Variants in DLGAP1 observed in about 807,000 individuals in gnomAD.
DLGAP1 encodes the protein disks large-associated protein 1.
DLGAP1 carries 11 observed loss-of-function variants against 90.8 expected under a neutral mutation model. The ratio of observed to expected loss-of-function variants is 0.12; its 90% CI spans 0.08 to 0.20. DLGAP1 has a LOEUF of 0.20. Ranked by LOEUF, DLGAP1 falls within the 10% of genes least tolerant of loss-of-function variation. DLGAP1 has a pLI of 1.00. For missense variants in DLGAP1, 1,050 were observed against 1,333.8 expected (o/e 0.79, Z 3.31); for synonymous variants, 558 against 540.7 (o/e 1.03, Z -0.44).
intron 5 of DLGAP1, chr18:3,770,160 T>C (rs1216092732): frequency 6.6e-6 from 1 of 152,156 alleles, no homozygotes; most frequent in Non-Finnish European, 1.5e-5. Context: ...AAGAGCACAC[T>C]TGAAGAATGT....
At chr18:4,215,311 A>G (rs2077929483) in intron 1 of DLGAP1, among the ~76,000 whole-genome samples, 1 of 152,172 alleles carries the variant, frequency 6.6e-6, no homozygotes, top group Non-Finnish European at 1.5e-5. Context: ...ACAAAATGCT[A>G]TTTTATGCAG....
chr18:3,967,916 G>A (rs745975641), intron 3 of DLGAP1, among the ~76,000 whole-genome samples: 8 of 151,934 alleles, frequency 5.3e-5, no homozygotes, highest in Admixed American at 3.9e-4. Context: ...ACCTAACACC[G>A]AGAGGCAAGC....
chr18:3,954,690 G>T (rs1277343938), intron 3 of DLGAP1, among the ~76,000 whole-genome samples: 3 of 152,256 alleles, frequency 2.0e-5, no homozygotes, highest in Non-Finnish European at 4.4e-5. Flanking sequence ...TTTTCAAAGG[G>T]TCTATAAATC....
intron 10 of DLGAP1, among the ~76,000 whole-genome samples, chr18:3,533,023 G>A (rs528507522): frequency 3.3e-5 from 5 of 152,300 alleles, no homozygotes; most frequent in Non-Finnish European, 5.9e-5. Context: ...TAGGCACGGT[G>A]GCTCATGCCT....
At chr18:4,327,287 C>G (rs1465580220) in intron 1 of DLGAP1, among the ~76,000 whole-genome samples, 1 of 151,848 alleles carries the variant, frequency 6.6e-6, no homozygotes, top group Non-Finnish European at 1.5e-5. Context: ...AATCATTACA[C>G]AAGGTACACA....
Position 3,498,433 on chromosome 18 carries a change from A to C in DLGAP1, c.*752T>G, listed in dbSNP as rs2049765642. 6.6e-6 allele frequency: 1 copy of C among 152,192 alleles called. No homozygotes were observed. The highest frequency in any genetic ancestry group is 2.4e-5 in the African/African-American group (1 of 41,434). The allele number at this position is 152,192 out of a possible 1,614,324, so 9.4% of individuals were successfully genotyped here. ...TGTTATTGCCTTTCAGAATAGATTA[A>C]TTTCCCTGAAAGATCGAATTTACAA... On this transcript the variant is annotated 3_prime_UTR_variant, in exon 13 of 13. Transcript: ENST00000315677.
intron 1 of DLGAP1, among the ~76,000 whole-genome samples, chr18:4,160,788 T>G (rs1237065766): frequency 6.6e-6 from 1 of 152,184 alleles, no homozygotes; most frequent in Non-Finnish European, 1.5e-5. Context: ...TTTAATTCCT[T>G]AATATAAGCC....
chr18:3,692,558 C>T (rs935993540), intron 7 of DLGAP1, among the ~76,000 whole-genome samples: 17 of 152,192 alleles, frequency 1.1e-4, no homozygotes, highest in Non-Finnish European at 2.4e-4. Flanking sequence ...CATTTATTTA[C>T]ACTGGCAGTG....
intron 1 of DLGAP1, among the ~76,000 whole-genome samples, chr18:4,446,854 G>A (rs536515660): frequency 6.6e-6 from 1 of 152,194 alleles, no homozygotes; most frequent in South Asian, 2.1e-4. Flanking sequence ...TTAACAAAAA[G>A]AAGTAGGAGA....
At chr18:4,153,132 A>G (rs2076701390) in intron 1 of DLGAP1, among the ~76,000 whole-genome samples, 1 of 152,362 alleles carries the variant, frequency 6.6e-6, no homozygotes, top group East Asian at 1.9e-4. Context: ...TGTTAGGTAA[A>G]CAAATATATT....
chr18:3,577,155 C>T (rs2055205155), intron 8 of DLGAP1, among the ~76,000 whole-genome samples: 1 of 152,194 alleles, frequency 6.6e-6, no homozygotes, highest in African/African-American at 2.4e-5. Context: ...GCCACCGTGC[C>T]TGGCCCTTCA....
At chr18:4,389,056 C>T (rs1408199396) in intron 1 of DLGAP1, among the ~76,000 whole-genome samples, 3 of 152,142 alleles carry the variant, frequency 2.0e-5, no homozygotes, top group African/African-American at 4.8e-5. Flanking sequence ...GACACTTGTA[C>T]ACCTATGTTC....
chr18:4,090,306 A>G (rs1453575481), intron 2 of DLGAP1, among the ~76,000 whole-genome samples: 2 of 152,202 alleles, frequency 1.3e-5, no homozygotes, highest in East Asian at 3.9e-4. Context: ...CAGAGTGAAC[A>G]GACAACCTAT....
chr18:3,548,721 T>C, intron 9 of DLGAP1, among the ~76,000 whole-genome samples: 1 of 152,194 alleles, frequency 6.6e-6, no homozygotes. Context: ...GGCAAGGATG[T>C]CCATATTCAT....
At chr18:3,678,385 C>T (rs147886003) in intron 7 of DLGAP1, among the ~76,000 whole-genome samples, 1 of 152,110 alleles carries the variant, frequency 6.6e-6, no homozygotes, top group African/African-American at 2.4e-5. Context: ...TCTTTAAGAC[C>T]CAGCTCAAAT....
At chr18:3,898,026 C>A (rs536793423) in intron 3 of DLGAP1, among the ~76,000 whole-genome samples, 108 of 152,002 alleles carry the variant, frequency 7.1e-4, no homozygotes, top group Non-Finnish European at 3.4e-4. Context: ...GATCTCCTGA[C>A]CTCGTGATCC....
intron 1 of DLGAP1, among the ~76,000 whole-genome samples, chr18:4,268,655 G>A (rs912152510): frequency 6.6e-6 from 1 of 151,934 alleles, no homozygotes; most frequent in African/African-American, 2.4e-5. Flanking sequence ...AGAATTGTTA[G>A]GTTTCTATAA....
intron 1 of DLGAP1, among the ~76,000 whole-genome samples, chr18:4,432,701 C>A (rs2083315956): frequency 6.6e-6 from 1 of 151,784 alleles, no homozygotes; most frequent in Non-Finnish European, 1.5e-5. Context: ...TACAATAGAT[C>A]TCCAGAATTT....
intron 2 of DLGAP1, among the ~76,000 whole-genome samples, chr18:4,006,751 T>A (rs1403734745): frequency 2.6e-5 from 4 of 151,848 alleles, no homozygotes; most frequent in African/African-American, 9.7e-5. Context: ...GTTCAAGTGA[T>A]CCTTCTACCT....
Sources: allele counts gnomAD v4.1 joint callset (sites outside exome capture counted in the v4.1 genomes callset), GRCh38; gene constraint gnomAD v4.1.1; transcripts MANE v1.5; gene names NCBI Gene and HGNC (gene_info 2026-07-23, HGNC 2026-07-21).